Variants in CCDC171 observed in about 807,000 individuals in gnomAD.
CCDC171 encodes the protein coiled-coil domain-containing protein 171.
CCDC171 carries 177 observed loss-of-function variants against 168.2 expected under a neutral mutation model. That is an observed-to-expected ratio of 1.05 (90% CI 0.93 to 1.19). CCDC171 has a LOEUF of 1.19. Among genes scored for constraint, CCDC171 ranks in the 50% most tolerant of loss-of-function variants. The probability of loss-of-function intolerance (pLI) is 0.00; values close to 1 mark genes in which losing one functional copy is unlikely to be tolerated. For missense variants in CCDC171, 1,991 were observed against 1,539.0 expected, an observed-to-expected ratio of 1.29 and a Z score of -4.91; for synonymous variants, 687 against 540.8, an observed-to-expected ratio of 1.27 and a Z score of -3.75.
At chr9:15,961,887 C>A (rs1830370050) in intron 25 of CCDC171, among the ~76,000 whole-genome samples, 1 of 152,072 alleles carries the variant, frequency 6.6e-6, no homozygotes, top group Admixed American at 6.5e-5. Context: ...AAACAAGCAC[C>A]ATATGTAATT....
At chr9:15,962,376 G>A (rs1389373315) in intron 25 of CCDC171, among the ~76,000 whole-genome samples, 1 of 152,004 alleles carries the variant, frequency 6.6e-6, no homozygotes, top group Non-Finnish European at 1.5e-5. Context: ...TCTAATTTTT[G>A]TCTGTTATTA....
chr9:15,844,198 G>C (rs1176591167), intron 21 of CCDC171, among the ~76,000 whole-genome samples: 1 of 151,964 alleles, frequency 6.6e-6, no homozygotes. Flanking sequence ...GGAAATATTA[G>C]AGTCCATAAA....
intron 9 of CCDC171, among the ~76,000 whole-genome samples, chr9:15,672,422 T>G (rs1363263678): frequency 6.6e-6 from 1 of 152,244 alleles, no homozygotes; most frequent in African/African-American, 2.4e-5. Context: ...ATGAAGTCTT[T>G]GCTCATGCCT....
rs184354153 is a variant in CCDC171, at chr9:16,027,687, G to A, written n.998+4779G>A. On this transcript the variant is annotated intron_variant and non_coding_transcript_variant, in intron 6 of 9. Transcript: ENST00000486641. ...GTGCACGGCACAAAACATTAATCAG[G>A]ACATTGTTTGCATTAAAGGGCTGAG... Among the ~76,000 whole-genome samples, 6 of 152,256 alleles carry A rather than the reference G, an allele frequency of 3.9e-5. No individual in the cohort carries two copies. The East Asian group carries it at 1.2e-3, about 29-fold the overall frequency.
chr9:15,594,383 T>C (rs958098852), intron 6 of CCDC171, among the ~76,000 whole-genome samples: 10 of 152,138 alleles, frequency 6.6e-5, no homozygotes, highest in Non-Finnish European at 1.2e-4. Context: ...TTCCATTGCA[T>C]ACCTTATGTG....
At chr9:15,769,205 C>G (rs1364810762) in intron 18 of CCDC171, among the ~76,000 whole-genome samples, 1 of 152,042 alleles carries the variant, frequency 6.6e-6, no homozygotes, top group Non-Finnish European at 1.5e-5. Flanking sequence ...AAGTTTTTTT[C>G]TTGTCAGTAA....
At chr9:15,593,671 C>T (rs2042147296) in intron 5 of CCDC171, among the ~76,000 whole-genome samples, 1 of 151,884 alleles carries the variant, frequency 6.6e-6, no homozygotes, top group Non-Finnish European at 1.5e-5. Flanking sequence ...TTATATCTAT[C>T]ATATGATATC....
chr9:15,904,353 G>T (rs1822187051), intron 24 of CCDC171, among the ~76,000 whole-genome samples: 1 of 152,200 alleles, frequency 6.6e-6, no homozygotes, highest in African/African-American at 2.4e-5. Context: ...CAAGCCAGAA[G>T]ACAGTGGGGG....
At chr9:15,693,895 CCTGTTT>C (rs1170603971) in intron 10 of CCDC171, among the ~76,000 whole-genome samples, 1 of 152,078 alleles carries the variant, frequency 6.6e-6, no homozygotes, top group Non-Finnish European at 1.5e-5. Context: ...GTCTAAACTT[CCTGTTT>C]CTATTTACTC....
intron 21 of CCDC171, among the ~76,000 whole-genome samples, chr9:15,808,556 T>C (rs1474477572): frequency 6.6e-6 from 1 of 152,166 alleles, no homozygotes; most frequent in Non-Finnish European, 1.5e-5. Flanking sequence ...TAATTTATTG[T>C]TGAACAATAA....
intron 3 of CCDC171, among the ~76,000 whole-genome samples, chr9:15,992,016 T>TTA (rs1832217109): frequency 3.9e-5 from 6 of 152,156 alleles, no homozygotes; most frequent in Non-Finnish European, 5.9e-5. Flanking sequence ...AGGAGCTGGC[T>TTA]CCATTCCTTC....
intron 24 of CCDC171, among the ~76,000 whole-genome samples, chr9:15,904,459 C>G (rs2987049): frequency 0.86 from 129,822 of 151,454 alleles, 55,718 homozygotes; most frequent in East Asian, 0.96. Context: ...ATCCTTTACA[C>G]ACAAGCAAAT....
At chr9:15,961,846 AG>A (rs767063168) in intron 25 of CCDC171, among the ~76,000 whole-genome samples, 1 of 152,166 alleles carries the variant, frequency 6.6e-6, no homozygotes, top group African/African-American at 2.4e-5. Flanking sequence ...CAGAGAATAG[AG>A]AAAAAAACCC....
intron 6 of CCDC171, among the ~76,000 whole-genome samples, chr9:15,606,018 C>G (rs1490557220): frequency 6.6e-6 from 1 of 152,078 alleles, no homozygotes; most frequent in Non-Finnish European, 1.5e-5. Context: ...CACACACATA[C>G]CTATGATAAC....
chr9:15,841,231 A>T lies in CCDC171; in HGVS notation c.3268-5471A>T, dbSNP rs553954521. Among the ~76,000 whole-genome samples the T allele has an allele frequency of 8.5e-5, 13 of 152,206 alleles. No individual in the cohort carries two copies. In the South Asian group the frequency reaches 2.7e-3, roughly 32 times the overall value. On this transcript the variant is annotated intron_variant, in intron 21 of 25. Coordinates refer to ENST00000380701, the MANE Select transcript of CCDC171 (RefSeq NM_173550.4). Reference sequence around the variant, plus strand: ...TTTCCTTTTATCTTTTTCATGTGTGATAAAATAATTTTAAAAATTATACGT... The same window carrying T: ...TTTCCTTTTATCTTTTTCATGTGTGTTAAAATAATTTTAAAAATTATACGT...
At position 15,920,300 on chromosome 9, in the gene CCDC171, C is replaced by A. The variant is rs918588926; in HGVS notation, c.3631C>A (p.Gln1211Lys). The stretch of plus-strand genomic sequence containing the variant: ...GATTAAAAGTTTCATGGATGTCTAC[C>A]AGCTTGCAAGCACTAGAATCATGAC... ...AMIKSFMDVYQLASTRIMTLE... is the reference protein window; with the variant it reads ...AMIKSFMDVYKLASTRIMTLE... Residue 1211 changes from glutamine (Q) to lysine (K), a missense_variant, in exon 25 of 26, where the codon CAG (glutamine) becomes AAG (lysine). By Grantham distance (53) the Gln-to-Lys change is moderately conservative (BLOSUM62 1). Coordinates refer to ENST00000380701, the MANE Select transcript of CCDC171 (RefSeq NM_173550.4). The A allele has an allele frequency of 1.9e-6, 3 of 1,594,622 alleles. No individual in the cohort carries two copies. Among genetic ancestry groups the A allele is most frequent in the East Asian group, 2.2e-5 (1 of 44,502 alleles).
chr9:15,874,771 G>A, intron 24 of CCDC171, 108 bp downstream of exon 24: 1 of 1,062,282 alleles, frequency 9.4e-7, no homozygotes, highest in Non-Finnish European at 1.3e-6. Context: ...TAAAGGAGAT[G>A]CAAATAGATG....
intron 1 of CCDC171, among the ~76,000 whole-genome samples, chr9:15,559,180 G>A (rs2039062946): frequency 6.6e-6 from 1 of 152,136 alleles, no homozygotes; most frequent in Non-Finnish European, 1.5e-5. Flanking sequence ...GAATAAGTGT[G>A]ATGTGGTGCC....
intron 6 of CCDC171, among the ~76,000 whole-genome samples, chr9:16,029,058 C>G (rs1222302526): frequency 6.6e-6 from 1 of 151,960 alleles, no homozygotes. Context: ...AATAATGTAT[C>G]TAGTGTCCAA....
Sources: allele counts gnomAD v4.1 joint callset (sites outside exome capture counted in the v4.1 genomes callset), GRCh38; gene constraint gnomAD v4.1.1; transcripts MANE v1.5; gene names NCBI Gene and HGNC (gene_info 2026-07-23, HGNC 2026-07-21).